Variants in AATK observed in about 807,000 individuals in gnomAD.
The protein encoded by AATK is lemur tail kinase 1.
A neutral mutation model predicts 114.3 loss-of-function variants in AATK; 91 were observed. The ratio of observed to expected loss-of-function variants is 0.80; its 90% confidence interval spans 0.67 to 0.95. The LOEUF is 0.95. AATK is among the 40% of genes least tolerant of loss of function. The probability of loss-of-function intolerance (pLI) is 0.00; values close to 1 mark genes in which losing one functional copy is unlikely to be tolerated. For synonymous variants in AATK, 1,075 were observed against 916.5 expected (o/e 1.17, Z -3.12); for missense variants, 2,176 against 1,965.2 (o/e 1.11, Z -2.03).
chr17:81,133,451 GTGCTGTGC>G (rs1200221230), intron 2 of AATK: 3 of 316,916 alleles, frequency 9.5e-6, no homozygotes, highest in Non-Finnish European at 1.9e-5. Context: ...TACAGACAGG[GTGCTGTGC>G]GCGCTGCAGA....
Position 81,126,835 on chromosome 17 carries a change from A to G in AATK, c.622-275T>C, listed in dbSNP as rs2060836152. ...CCCTTGGCCTGTGGTAGAGAGAGAAACACAGGGCCCAAGTGGATCTGCTTG... is the reference window on the plus strand; with the variant it reads ...CCCTTGGCCTGTGGTAGAGAGAGAAGCACAGGGCCCAAGTGGATCTGCTTG... On this transcript the variant is annotated intron_variant, in intron 6 of 13. Coordinates refer to ENST00000326724, the MANE Select transcript of AATK (RefSeq NM_001080395.3). This position sits in a 1 kb window ranked among gnomAD's most constrained non-coding sequence, Gnocchi z 5.1. 1 of 1,280,672 alleles carries G rather than the reference A, an allele frequency of 7.8e-7. No individual in the cohort carries two copies. The highest frequency in any genetic ancestry group is 3.6e-5 in the Admixed American group (1 of 28,098). The allele number at this position is 1,280,672 out of a possible 1,614,324, so 79.3% of individuals were successfully genotyped here.
intron 1 of AATK, 100 bp downstream of exon 1, chr17:81,165,838 G>A: frequency 6.6e-7 from 1 of 1,522,352 alleles, no homozygotes. Context: ...GGCGGGGAAA[G>A]GGTTAATTTC....
In AATK at chr17:81,119,174, CAGGTGAGGGTCAGGT is replaced by C. The variant is rs2060635110; in HGVS notation, c.4084+191_4084+205del. 3.5e-5 allele frequency among the ~76,000 whole-genome samples: 5 copies of C among 142,070 alleles called. No homozygotes were observed. The East Asian group carries it at 6.2e-4, about 18-fold the overall frequency. 93.2% of individuals were successfully genotyped at this position (142,070 alleles called of 152,430 possible). A position where few individuals can be genotyped will look rare whatever the true frequency, so the allele number is the denominator to read the frequency against. ...GGTCAGGTGAGGGTCAGGTGAGGGTCAGGTGAGGGTCAGGTGAGGGCCAGGCGAGGGCCAGGCGGG... is the reference window on the plus strand; with the variant it reads ...GGTCAGGTGAGGGTCAGGTGAGGGTCGAGGGCCAGGCGAGGGCCAGGCGGG... On this transcript the variant is annotated intron_variant, in intron 13 of 13. Transcript: ENST00000326724.
chr17:81,144,307 G>A (rs979100026), intron 1 of AATK, among the ~76,000 whole-genome samples: 4 of 152,216 alleles, frequency 2.6e-5, no homozygotes, highest in Non-Finnish European at 4.4e-5. Context: ...GGAGCCTGGG[G>A]GTAAAGGTCA....
In AATK at chr17:81,121,160, C is replaced by G. The variant is rs777793280; in HGVS notation, c.2776G>C (p.Gly926Arg). The G allele has an allele frequency of 6.2e-7, 1 of 1,602,624 alleles. No homozygotes were observed. Among genetic ancestry groups the G allele is most frequent in the Non-Finnish European group, 8.5e-7 (1 of 1,175,338 alleles). Reference sequence around the variant, plus strand: ...GCTCGCGGCTGCCCTCCAGAGGGGCCAGTGGCCGACGGGCTGAAGACCTCA... The same window carrying G: ...GCTCGCGGCTGCCCTCCAGAGGGGCGAGTGGCCGACGGGCTGAAGACCTCA... ...GYEVFSPSAT[G>R]PSGGQPRALD... The change falls in exon 11 of 14, where the codon GGC becomes CGC. Residue 926 changes from glycine (G) to arginine (R), a missense_variant. By Grantham distance (125) the Gly-to-Arg change is moderately radical (BLOSUM62 -2). This residue lies in a region of AATK where 1,701 missense variants were observed against 1,394.7 expected (regional missense o/e 1.22). Transcript: ENST00000326724.
At chr17:81,151,493 G>T (rs1422864473) in intron 1 of AATK, among the ~76,000 whole-genome samples, 1 of 152,048 alleles carries the variant, frequency 6.6e-6, no homozygotes, top group Non-Finnish European at 1.5e-5. Context: ...CTGACGCCAG[G>T]CCCCCACGCG....
At chr17:81,158,552 C>T (rs950988260) in intron 1 of AATK, among the ~76,000 whole-genome samples, 15 of 152,356 alleles carry the variant, frequency 9.8e-5, no homozygotes, top group South Asian at 4.1e-4. Flanking sequence ...CTGCTCACTG[C>T]GCACAGACCT....
At chr17:81,148,810 GCGCACACTCA>G (rs2061257345) in intron 1 of AATK, among the ~76,000 whole-genome samples, 1 of 150,250 alleles carries the variant, frequency 6.7e-6, no homozygotes, top group South Asian at 2.1e-4. Context: ...ACACACTCAC[GCGCACACTCA>G]CGCACACACC....
At position 81,121,493 on chromosome 17, in the gene AATK, T is replaced by TGGCCTCCTCCGAGGGAAGTGG. The variant is rs1313740854; in HGVS notation, c.2422_2442dup (p.Pro808_Ala814dup). On this transcript the variant is annotated inframe_insertion, in exon 11 of 14. Transcript: ENST00000326724. The stretch of plus-strand genomic sequence containing the variant: ...AGGGCATCAGGGGCGTCGGGGGCAC[T>TGGCCTCCTCCGAGGGAAGTGG]GGCCTCCTCCGAGGGAAGTGGGGCT... 10 of 1,560,604 alleles carry TGGCCTCCTCCGAGGGAAGTGG rather than the reference T, an allele frequency of 6.4e-6. 1 individual carries two copies. In the South Asian group the frequency reaches 7.2e-5, roughly 11 times the overall value.
intron 5 of AATK, 43 bp downstream of exon 5, chr17:81,127,748 AG>A (rs1568228064): frequency 1.3e-6 from 2 of 1,504,538 alleles, no homozygotes. Flanking sequence ...GAGGGAGAGG[AG>A]GGGGCCGCAC....
At chr17:81,146,314 T>A (rs2061220072) in intron 1 of AATK, among the ~76,000 whole-genome samples, 1 of 148,066 alleles carries the variant, frequency 6.8e-6, no homozygotes, top group Non-Finnish European at 1.5e-5. Context: ...TGAGCCAAGA[T>A]TGAGCCACTG....
intron 4 of AATK, 94 bp from the exon 5 acceptor site, chr17:81,128,004 CCAGGA>C: frequency 2.0e-6 from 3 of 1,469,582 alleles, no homozygotes; most frequent in Non-Finnish European, 2.8e-6. Flanking sequence ...ACGCCGGCCC[CCAGGA>C]CAGGACACTT....
At position 81,119,965 on chromosome 17, in the gene AATK, C is replaced by A. The variant is rs1482452943; in HGVS notation, c.3854G>T (p.Gly1285Val). 6.9e-7 allele frequency: 1 copy of A among 1,449,604 alleles called. No individual in the cohort carries two copies. The highest frequency in any genetic ancestry group is 9.1e-7 in the Non-Finnish European group (1 of 1,102,492). 89.8% of individuals were successfully genotyped at this position (1,449,604 alleles called of 1,614,324 possible). ...TTCCGCTGTGGAGCCATTTGGGGAG[C>A]CATCAGCCTGCTGCGGCCGGTTGGG... ...SAPNRPQQAD[G>V]SPNGSTAEEG... Residue 1285 changes from glycine to valine, a missense_variant, in exon 12 of 14, where the codon GGC becomes GTC. By Grantham distance (109) the Gly-to-Val change is moderately radical (BLOSUM62 -3). Around this residue, in one of 4 missense-constraint regions of AATK, gnomAD observed 1,701 missense variants for 1,394.7 expected, o/e 1.22. Transcript: ENST00000326724.
chr17:81,122,983 G>A (rs1238428784), intron 10 of AATK, among the ~76,000 whole-genome samples, 160 bp from the exon 11 acceptor site: 2 of 152,160 alleles, frequency 1.3e-5, no homozygotes, highest in African/African-American at 4.8e-5. Flanking sequence ...AAGCCCAGCA[G>A]CGTGGGAGCA....
At chr17:81,125,853 G>A (rs968627890) in intron 7 of AATK, 16 of 463,904 alleles carry the variant, frequency 3.4e-5, no homozygotes, top group Non-Finnish European at 6.3e-5. Context: ...CTGGGGCCCG[G>A]CAGGCAGGTC....
chr17:81,123,068 T>G, intron 10 of AATK, 126 bp downstream of exon 10: 1 of 1,168,188 alleles, frequency 8.6e-7, no homozygotes, highest in Non-Finnish European at 1.1e-6. Flanking sequence ...GTGGAGGCCC[T>G]ACCAGAGGGG....
chr17:81,148,234 T>C (rs2061248321), intron 1 of AATK, among the ~76,000 whole-genome samples: 1 of 152,208 alleles, frequency 6.6e-6, no homozygotes, highest in Non-Finnish European at 1.5e-5. Context: ...TATGATTGTA[T>C]TTGATTATCA....
intron 12 of AATK, 134 bp from the exon 13 acceptor site, chr17:81,119,714 G>A (rs569949979): frequency 9.7e-5 from 88 of 902,686 alleles, no homozygotes; most frequent in South Asian, 9.6e-4. Flanking sequence ...TGATGTCACG[G>A]GCCCAGGCCC....
chr17:81,154,705 C>T (rs899497521), intron 1 of AATK, among the ~76,000 whole-genome samples: 1 of 143,240 alleles, frequency 7.0e-6, no homozygotes, highest in Non-Finnish European at 1.5e-5. Flanking sequence ...TCTCGGCTCA[C>T]TGCAACCTCC....
Sources: gnomAD v4.1 joint callset for allele counts (sites outside exome capture counted in the v4.1 genomes callset) on GRCh38, gnomAD v4.1.1 for gene constraint, gnomAD v4.1.1 regional missense constraint, Gnocchi (gnomAD v3.1) non-coding constraint, MANE v1.5 for transcripts, NCBI Gene and HGNC (gene_info 2026-07-23, HGNC 2026-07-21) for gene names.